Variants in MDGA2 observed in about 807,000 individuals in gnomAD.
MDGA2 encodes the protein MAM domain containing glycosylphosphatidylinositol anchor 2.
Under a neutral mutation model 117.8 loss-of-function variants are expected in MDGA2, and 40 were observed. The observed-to-expected ratio is 0.34, with a 90% CI of 0.26 to 0.44. The LOEUF is 0.44. Among genes scored for constraint, MDGA2 ranks in the 20% least tolerant of loss-of-function variants. The pLI, the probability that MDGA2 is intolerant of heterozygous loss-of-function variation, is 1.00. For synonymous variants in MDGA2, 452 were observed against 439.0 expected (o/e 1.03, Z -0.37); for missense variants, 1,123 against 1,250.6 (o/e 0.90, Z 1.54).
chr14:47,095,690 C>T (rs566814528), intron 6 of MDGA2, among the ~76,000 whole-genome samples: 5 of 151,828 alleles, frequency 3.3e-5, no homozygotes, highest in East Asian at 1.9e-4. Flanking sequence ...GCAGATGGTA[C>T]GCTATTCATA....
chr14:47,636,090 T>C (rs573541025), intron 1 of MDGA2, among the ~76,000 whole-genome samples: 16 of 152,262 alleles, frequency 1.1e-4, no homozygotes, highest in Non-Finnish European at 1.2e-4. Context: ...GGAATAAGGC[T>C]TGCCAGTAAA....
At chr14:46,995,917 G>A (rs991154228) in intron 8 of MDGA2, among the ~76,000 whole-genome samples, 30 of 151,716 alleles carry the variant, frequency 2.0e-4, no homozygotes, top group African/African-American at 7.0e-4. Flanking sequence ...AAGGTGACAT[G>A]TTTAATTCAG....
intron 4 of MDGA2, among the ~76,000 whole-genome samples, chr14:47,143,134 C>A (rs1381356805): frequency 2.6e-5 from 4 of 152,012 alleles, no homozygotes; most frequent in Non-Finnish European, 5.9e-5. Context: ...CAGGCACGTG[C>A]CACCATGCCC....
intron 14 of MDGA2, among the ~76,000 whole-genome samples, chr14:46,862,804 A>G (rs1308452426): frequency 1.3e-5 from 2 of 152,054 alleles, no homozygotes; most frequent in African/African-American, 4.8e-5. Flanking sequence ...TTTGTTTTAT[A>G]CATACATACA....
At chr14:47,252,758 G>A (rs780407415) in intron 2 of MDGA2, among the ~76,000 whole-genome samples, 4 of 152,188 alleles carry the variant, frequency 2.6e-5, no homozygotes, top group Admixed American at 2.0e-4. Flanking sequence ...AGGAAAAGGT[G>A]AGAGTGATTT....
At chr14:46,948,142 GT>G (rs1302940794) in intron 9 of MDGA2, among the ~76,000 whole-genome samples, 4 of 151,778 alleles carry the variant, frequency 2.6e-5, no homozygotes, top group African/African-American at 9.7e-5. Flanking sequence ...TCTTCATCAT[GT>G]TTCTTATATC....
intron 1 of MDGA2, among the ~76,000 whole-genome samples, chr14:47,504,501 T>C (rs1447701192): frequency 6.6e-6 from 1 of 152,176 alleles, no homozygotes; most frequent in Non-Finnish European, 1.5e-5. Context: ...CTTCATGCTA[T>C]ATCCGAAGTC....
intron 1 of MDGA2, among the ~76,000 whole-genome samples, chr14:47,526,868 G>A (rs1201641821): frequency 6.6e-6 from 1 of 152,068 alleles, no homozygotes; most frequent in East Asian, 1.9e-4. Flanking sequence ...GAAAAAAGTA[G>A]AACAATTGTT....
At chr14:46,908,673 T>C (rs1883589082) in intron 10 of MDGA2, among the ~76,000 whole-genome samples, 1 of 152,208 alleles carries the variant, frequency 6.6e-6, no homozygotes, top group African/African-American at 2.4e-5. Context: ...ATCTGAAGAT[T>C]TCTAATTTCT....
At chr14:46,945,047 G>A (rs1295150506) in intron 9 of MDGA2, among the ~76,000 whole-genome samples, 1 of 151,982 alleles carries the variant, frequency 6.6e-6, no homozygotes, top group African/African-American at 2.4e-5. Flanking sequence ...TGAACATTAT[G>A]AAGAATATAT....
intron 1 of MDGA2, among the ~76,000 whole-genome samples, chr14:47,466,118 T>G (rs1327891269): frequency 6.6e-6 from 1 of 152,040 alleles, no homozygotes; most frequent in Non-Finnish European, 1.5e-5. Flanking sequence ...AGCTAAATTA[T>G]GAGATCTTAT....
In MDGA2 at chr14:47,131,096, G is replaced by A. The variant is rs564031098; in HGVS notation, c.925+618C>T. Among the ~76,000 whole-genome samples the A allele has an allele frequency of 1.8e-4, 27 of 151,894 alleles. No homozygotes were observed. The South Asian group carries it at 2.3e-3, about 13-fold the overall frequency. On this transcript the variant is annotated intron_variant, in intron 5 of 16. Transcript: ENST00000399232. ...CCAGTTCAAATTTTAATTTATTAAAGTAATTCTTTATGCACATTCATACAA... is the reference window on the plus strand; with the variant it reads ...CCAGTTCAAATTTTAATTTATTAAAATAATTCTTTATGCACATTCATACAA...
At chr14:47,541,533 C>T (rs1883325893) in intron 1 of MDGA2, among the ~76,000 whole-genome samples, 1 of 152,196 alleles carries the variant, frequency 6.6e-6, no homozygotes, top group African/African-American at 2.4e-5. Flanking sequence ...CCCATAAAGA[C>T]ATCACTGTCT....
At chr14:47,348,053 T>G (rs1175063999) in intron 1 of MDGA2, among the ~76,000 whole-genome samples, 1 of 151,858 alleles carries the variant, frequency 6.6e-6, no homozygotes, top group Non-Finnish European at 1.5e-5. Context: ...AACTTTTTCA[T>G]AAAAAGCCTG....
chr14:46,854,491 C>T (rs1881184563), intron 15 of MDGA2, among the ~76,000 whole-genome samples: 1 of 151,670 alleles, frequency 6.6e-6, no homozygotes, highest in Non-Finnish European at 1.5e-5. Flanking sequence ...TTACTGGTAA[C>T]TCTCTTAGCT....
rs1895797132 is a variant in MDGA2 at position 47,561,153 on chromosome 14, G to GGTTTTTTT, written c.280+113363_280+113364insAAAAAAAC. 2.6e-3 allele frequency among the ~76,000 whole-genome samples: 166 copies of GGTTTTTTT among 63,846 alleles called. 20 individuals are homozygous for GGTTTTTTT. The highest frequency in any genetic ancestry group is 0.01 in the East Asian group (7 of 694). The allele number at this position is 63,846 out of a possible 152,430, so 41.9% of individuals were successfully genotyped here. A position where few individuals can be genotyped will look rare whatever the true frequency, so the allele number is the denominator to read the frequency against. ...TACCTCTATCTTTGTTTTTTTTTTT[G>GGTTTTTTT]TTTTGTTTTGTTTTTTTGTTTGTTT... is the stretch of plus-strand genomic sequence containing the variant. On this transcript the variant is annotated intron_variant, in intron 1 of 16. Transcript: ENST00000399232.
chr14:47,299,887 T>C (rs536189596), intron 2 of MDGA2, among the ~76,000 whole-genome samples: 2 of 152,330 alleles, frequency 1.3e-5, no homozygotes, highest in South Asian at 4.1e-4. Flanking sequence ...TACTTTGAAA[T>C]TTTAGTTATC....
chr14:47,449,189 T>A (rs1893189159), intron 1 of MDGA2, among the ~76,000 whole-genome samples: 1 of 152,164 alleles, frequency 6.6e-6, no homozygotes, highest in Non-Finnish European at 1.5e-5. Flanking sequence ...ATATGGCATT[T>A]TTTTGTTCTT....
intron 5 of MDGA2, among the ~76,000 whole-genome samples, chr14:47,120,624 G>C (rs1881600663): frequency 1.3e-5 from 2 of 152,014 alleles, no homozygotes; most frequent in African/African-American, 4.8e-5. Flanking sequence ...GGAAATTGAG[G>C]GAACAGCTGA....
Sources: allele counts gnomAD v4.1 joint callset (sites outside exome capture counted in the v4.1 genomes callset), GRCh38; gene constraint gnomAD v4.1.1; transcripts MANE v1.5; gene names NCBI Gene and HGNC (gene_info 2026-07-23, HGNC 2026-07-21).